The following GRM7 variants were observed in gnomAD, a reference collection of about 807,000 sequenced individuals.
GRM7 encodes the protein metabotropic glutamate receptor 7.
In GRM7, 35 loss-of-function variants were observed where a neutral mutation model predicts 84.5. That is an observed-to-expected ratio of 0.41 (90% CI 0.32 to 0.55). The LOEUF (loss-of-function observed/expected upper bound fraction) is 0.55, where lower values mean the gene tolerates loss of function less well. GRM7 is among the 20% of genes least tolerant of loss of function. GRM7 has a pLI of 0.19. For missense variants in GRM7, 1,003 were observed against 1,194.6 expected (o/e 0.84, Z 2.36); for synonymous variants, 487 against 455.1 (o/e 1.07, Z -0.89).
chr3:7,522,030 G>T (rs1256605762), intron 7 of GRM7, among the ~76,000 whole-genome samples: 1 of 152,114 alleles, frequency 6.6e-6, no homozygotes, highest in Non-Finnish European at 1.5e-5. Flanking sequence ...CCTGGAAAGT[G>T]ACTCATATAG....
chr3:7,221,592 T>C (rs1399626180), intron 2 of GRM7, among the ~76,000 whole-genome samples: 2 of 151,862 alleles, frequency 1.3e-5, no homozygotes, highest in Non-Finnish European at 2.9e-5. Flanking sequence ...CATGATTTTA[T>C]TTTTTAATCT....
chr3:7,189,966 A>G lies in GRM7; in HGVS notation c.736+43298A>G, dbSNP rs146553632. Among the ~76,000 whole-genome samples, 93 of 152,276 alleles carry G rather than the reference A, an allele frequency of 6.1e-4. 1 individual carries two copies. Among genetic ancestry groups the G allele is most frequent in the African/African-American group, 2.2e-3 (93 of 41,572 alleles). On this transcript the variant is annotated intron_variant, in intron 2 of 9. Transcript: ENST00000357716. ...ATATATAAAAGCAATGTAGACACAC[A>G]CACACAAACAGACCCACACAGAGAA...
intron 1 of GRM7, among the ~76,000 whole-genome samples, chr3:7,090,045 G>C (rs559371140): frequency 2.0e-5 from 3 of 152,090 alleles, no homozygotes; most frequent in Non-Finnish European, 4.4e-5. Flanking sequence ...GTTTCACCAT[G>C]TTGGCCAGGC....
intron 1 of GRM7, among the ~76,000 whole-genome samples, chr3:7,132,839 C>A (rs940751671): frequency 6.6e-6 from 1 of 152,268 alleles, no homozygotes. Flanking sequence ...GTTAAGTGCA[C>A]TTTATTGTTC....
chr3:7,671,602 T>A (rs888654898), intron 8 of GRM7, among the ~76,000 whole-genome samples: 6 of 150,538 alleles, frequency 4.0e-5, no homozygotes, highest in African/African-American at 1.5e-4. Context: ...CCAATACTCA[T>A]CTAGTTGCCT....
intron 4 of GRM7, chr3:7,402,953 A>G (rs1231562627): frequency 6.4e-6 from 1 of 156,214 alleles, no homozygotes; most frequent in Admixed American, 6.5e-5. Flanking sequence ...TTTTGGTAAA[A>G]TTCCTTTTGA....
chr3:7,352,052 ACACAC>A (rs1352533632), intron 4 of GRM7, among the ~76,000 whole-genome samples: 9 of 110,326 alleles, frequency 8.2e-5, no homozygotes, highest in Admixed American at 6.6e-4. Flanking sequence ...ACACACACAC[ACACAC>A]CACACACACA....
chr3:7,601,464 A>T (rs1479945546), intron 8 of GRM7, among the ~76,000 whole-genome samples: 3 of 152,162 alleles, frequency 2.0e-5, no homozygotes, highest in African/African-American at 7.2e-5. Flanking sequence ...TTGAATGAAT[A>T]AATGAAAAAA....
chr3:7,482,281 A>G (rs1303853186), intron 7 of GRM7, among the ~76,000 whole-genome samples: 5 of 152,220 alleles, frequency 3.3e-5, no homozygotes, highest in Non-Finnish European at 5.9e-5. Flanking sequence ...GTTTGATTAC[A>G]TGCGTCTCAA....
intron 2 of GRM7, among the ~76,000 whole-genome samples, chr3:7,256,459 T>C (rs775460370): frequency 2.0e-5 from 3 of 152,194 alleles, no homozygotes; most frequent in Non-Finnish European, 2.9e-5. Context: ...TTATCACTTT[T>C]GTATTAGAAA....
intron 2 of GRM7, among the ~76,000 whole-genome samples, chr3:7,253,477 C>G (rs557748910): frequency 1.3e-5 from 2 of 151,842 alleles, no homozygotes; most frequent in South Asian, 4.2e-4. Flanking sequence ...ATTAGCCAGG[C>G]ATGGTGGTGG....
At chr3:7,106,204 TC>T (rs1692632768) in intron 1 of GRM7, among the ~76,000 whole-genome samples, 1 of 151,916 alleles carries the variant, frequency 6.6e-6, no homozygotes, top group South Asian at 2.1e-4. Flanking sequence ...AACAGAAATT[TC>T]TGAGAAAATT....
chr3:7,006,152 T>C (rs1695177215), intron 1 of GRM7, among the ~76,000 whole-genome samples: 1 of 152,170 alleles, frequency 6.6e-6, no homozygotes, highest in Non-Finnish European at 1.5e-5. Flanking sequence ...AGTAGGACTT[T>C]CCATCTATAT....
intron 1 of GRM7, among the ~76,000 whole-genome samples, chr3:6,903,280 T>C (rs555293827): frequency 1.3e-5 from 2 of 152,070 alleles, no homozygotes; most frequent in African/African-American, 4.8e-5. Flanking sequence ...ATTATTGCAT[T>C]CTTTGAGTCA....
intron 2 of GRM7, among the ~76,000 whole-genome samples, chr3:7,221,081 A>T (rs1696785366): frequency 1.3e-5 from 2 of 152,176 alleles, no homozygotes; most frequent in South Asian, 4.1e-4. Context: ...TGGGCGACAG[A>T]GTAAGACTGT....
At chr3:7,321,076 G>C (rs1230280808) in intron 4 of GRM7, among the ~76,000 whole-genome samples, 3 of 151,802 alleles carry the variant, frequency 2.0e-5, no homozygotes, top group African/African-American at 7.3e-5. Context: ...GAGTCCCCTA[G>C]ATGAGCTTTC....
intron 8 of GRM7, among the ~76,000 whole-genome samples, chr3:7,628,758 G>A (rs759615179): frequency 8.5e-5 from 13 of 152,312 alleles, no homozygotes; most frequent in Admixed American, 3.9e-4. Flanking sequence ...AGAAGTGAAA[G>A]CAATGCTAGT....
chr3:6,946,316 A>G (rs1215710376), intron 1 of GRM7, among the ~76,000 whole-genome samples: 1 of 152,184 alleles, frequency 6.6e-6, no homozygotes, highest in African/African-American at 2.4e-5. Flanking sequence ...TTAAACAGGG[A>G]ATCCTTTCCC....
chr3:7,457,732 A>G (rs1206389913), intron 6 of GRM7, among the ~76,000 whole-genome samples: 3 of 152,146 alleles, frequency 2.0e-5, no homozygotes, highest in African/African-American at 4.8e-5. Flanking sequence ...TAGTTTTGTT[A>G]GAACATTTGG....
Sources: allele counts gnomAD v4.1 joint callset (sites outside exome capture counted in the v4.1 genomes callset), GRCh38; gene constraint gnomAD v4.1.1; transcripts MANE v1.5; gene names NCBI Gene and HGNC (gene_info 2026-07-23, HGNC 2026-07-21).